The following FHOD3 variants were observed in gnomAD, a reference collection of about 807,000 sequenced individuals.
FHOD3 encodes the protein formin homology 2 domain containing 3, also known as FH1/FH2 domain-containing protein 3.
Under a neutral mutation model 173.0 loss-of-function variants are expected in FHOD3, and 90 were observed. The ratio of observed to expected loss-of-function variants is 0.52; its 90% CI spans 0.44 to 0.62. The LOEUF is 0.62. Ranked by LOEUF, FHOD3 falls within the 20% of genes least tolerant of loss-of-function variation. FHOD3 has a pLI of 0.00. For missense variants in FHOD3, 1,945 were observed against 2,034.7 expected (o/e 0.96, Z 0.85); for synonymous variants, 828 against 823.0 (o/e 1.01, Z -0.10).
chr18:36,553,043 T>G (rs2057725951), intron 5 of FHOD3, among the ~76,000 whole-genome samples: 1 of 152,242 alleles, frequency 6.6e-6, no homozygotes, highest in East Asian at 1.9e-4. Flanking sequence ...TGTTGAATTT[T>G]GTCAAAGGCC....
At chr18:36,511,357 G>GTTTTTTTTTTTTTTTTTTTTTTTTTT (rs760692797) in intron 4 of FHOD3, among the ~76,000 whole-genome samples, 1 of 143,608 alleles carries the variant, frequency 7.0e-6, no homozygotes. Flanking sequence ...TCTTGCCAAT[G>GTTTTTTTTTTTTTTTTTTTTTTTTTT]TTTTTTTTTT....
intron 3 of FHOD3, among the ~76,000 whole-genome samples, chr18:36,409,825 G>T (rs556131538): frequency 6.6e-6 from 1 of 152,170 alleles, no homozygotes; most frequent in African/African-American, 2.4e-5. Flanking sequence ...CCTGAAGGTG[G>T]CTTTGGGGTG....
intron 19 of FHOD3, among the ~76,000 whole-genome samples, chr18:36,723,877 A>G (rs777531324): frequency 6.6e-6 from 1 of 152,210 alleles, no homozygotes; most frequent in Non-Finnish European, 1.5e-5. Flanking sequence ...CTTAATGACT[A>G]CTATTAACTA....
chr18:36,370,799 T>C (rs992708864), intron 2 of FHOD3, among the ~76,000 whole-genome samples: 2 of 152,178 alleles, frequency 1.3e-5, no homozygotes, highest in Non-Finnish European at 2.9e-5. Flanking sequence ...TTCTAATAGT[T>C]AGAGCCTGGC....
chr18:36,718,250 G>A lies in FHOD3; in HGVS notation c.2952G>A (p.Met984Ile). ...TESDYIWDQL[M>I]ANPRELRIQD... ...CTGATTACATCTGGGACCAGCTCAT[G>A]GCCAATCCAAGAGAGCTCAGAATCC... Residue 984 changes from methionine (M) to isoleucine (I), a missense_variant, in exon 19 of 29, where the codon ATG becomes ATA. By Grantham distance (10) the Met-to-Ile change is conservative (BLOSUM62 1). This residue lies in a region of FHOD3 where 1,099 missense variants were observed against 1,051.2 expected (regional missense o/e 1.05). Transcript: ENST00000590592. 1 of 1,614,166 alleles carries A rather than the reference G, an allele frequency of 6.2e-7. No individual in the cohort carries two copies. The highest frequency in any genetic ancestry group is 1.7e-5 in the Admixed American group (1 of 60,030).
At chr18:36,327,146 A>G (rs555451044) in intron 1 of FHOD3, among the ~76,000 whole-genome samples, 7 of 152,334 alleles carry the variant, frequency 4.6e-5, no homozygotes, top group East Asian at 1.9e-4. Context: ...TGTTTCACCA[A>G]TTCCCCAAGA....
intron 2 of FHOD3, among the ~76,000 whole-genome samples, chr18:36,369,652 A>G (rs532441074): frequency 2.0e-5 from 3 of 152,222 alleles, no homozygotes; most frequent in Admixed American, 2.0e-4. Flanking sequence ...ATTGGACTCT[A>G]ATTCTTGAAC....
At chr18:36,603,400 G>T (rs923549330) in intron 8 of FHOD3, among the ~76,000 whole-genome samples, 1 of 152,014 alleles carries the variant, frequency 6.6e-6, no homozygotes, top group South Asian at 2.1e-4. Flanking sequence ...GCCTGCGTGT[G>T]TTCATGCTTT....
At chr18:36,430,374 G>A (rs1035935030) in intron 3 of FHOD3, among the ~76,000 whole-genome samples, 6 of 152,086 alleles carry the variant, frequency 3.9e-5, no homozygotes, top group African/African-American at 1.2e-4. Flanking sequence ...CCACCACCAC[G>A]CCCAGCTAAT....
intron 19 of FHOD3, among the ~76,000 whole-genome samples, chr18:36,723,366 G>GGT (rs2040887968): frequency 6.6e-6 from 1 of 152,012 alleles, no homozygotes; most frequent in African/African-American, 2.4e-5. Flanking sequence ...TTCATTTTAG[G>GGT]GTGTGTGTGT....
chr18:36,658,859 T>C (rs530460471), intron 14 of FHOD3, among the ~76,000 whole-genome samples: 91 of 152,322 alleles, frequency 6.0e-4, no homozygotes, highest in African/African-American at 2.2e-3. Flanking sequence ...TATTTAACCC[T>C]GAGGGTAAAT....
At chr18:36,703,539 A>C (rs2039701612) in intron 17 of FHOD3, among the ~76,000 whole-genome samples, 1 of 152,190 alleles carries the variant, frequency 6.6e-6, no homozygotes, top group Non-Finnish European at 1.5e-5. Context: ...AGGATGATGT[A>C]ATATGATTCC....
intron 18 of FHOD3, among the ~76,000 whole-genome samples, chr18:36,712,963 A>G (rs1288420827): frequency 6.6e-6 from 1 of 152,224 alleles, no homozygotes; most frequent in Non-Finnish European, 1.5e-5. Flanking sequence ...GAAGGGGCGC[A>G]ACATTTTGCA....
rs566579973 is a variant in FHOD3 at position 36,395,193 on chromosome 18, A to G, written c.337+22449A>G. ...TTTTGTGTGTTTGCTCTTCTCATTT[A>G]AAAATATCTGTATCTAGGGAGGCTG... On this transcript the variant is annotated intron_variant, in intron 3 of 28. Coordinates refer to ENST00000590592, the MANE Select transcript of FHOD3 (RefSeq NM_001281740.3). Among the ~76,000 whole-genome samples the G allele has an allele frequency of 1.3e-4, 20 of 150,216 alleles. No individual in the cohort carries two copies. The South Asian group carries it at 2.9e-3, about 22-fold the overall frequency.
At chr18:36,493,252 A>G (rs575562406) in intron 3 of FHOD3, among the ~76,000 whole-genome samples, 5 of 144,860 alleles carry the variant, frequency 3.5e-5, no homozygotes, top group African/African-American at 1.3e-4. Context: ...TATGGAGGCC[A>G]TAACTCCAAC....
intron 14 of FHOD3, among the ~76,000 whole-genome samples, chr18:36,673,782 C>T (rs503274): frequency 0.71 from 108,395 of 152,014 alleles, 38,874 homozygotes; most frequent in African/African-American, 0.78. Context: ...CATCCTGCTC[C>T]CTTTCCATTC....
chr18:36,594,641 G>T (rs1286878311), intron 6 of FHOD3, 146 bp from the exon 7 acceptor site: 2 of 608,954 alleles, frequency 3.3e-6, no homozygotes, highest in Admixed American at 2.8e-5. Flanking sequence ...TCTAATGAGG[G>T]ATTGTGAGGA....
In FHOD3 at chr18:36,552,332, C is replaced by T. The variant is rs140198309; in HGVS notation, c.512-24119C>T. Among the ~76,000 whole-genome samples the T allele has an allele frequency of 8.6e-3, 1,309 of 152,128 alleles. 13 individuals carry two copies. Among genetic ancestry groups the T allele is most frequent in the African/African-American group, 0.03 (1,244 of 41,496 alleles). On this transcript the variant is annotated intron_variant, in intron 5 of 28. Coordinates refer to ENST00000590592, the MANE Select transcript of FHOD3 (RefSeq NM_001281740.3). ...GGGTGCATAGGAATGCTTGTGATTT[C>T]TGCACATTGATTTTGTATCCTGAGA... is the stretch of plus-strand genomic sequence containing the variant.
intron 3 of FHOD3, among the ~76,000 whole-genome samples, chr18:36,459,592 GC>G (rs1166831568): frequency 1.3e-5 from 2 of 152,162 alleles, no homozygotes; most frequent in Non-Finnish European, 2.9e-5. Context: ...TCATCCTCAG[GC>G]CTTGGAGAAA....
Sources: gnomAD v4.1 joint callset for allele counts (sites outside exome capture counted in the v4.1 genomes callset) on GRCh38, gnomAD v4.1.1 for gene constraint, gnomAD v4.1.1 regional missense constraint, MANE v1.5 for transcripts, NCBI Gene and HGNC (gene_info 2026-07-23, HGNC 2026-07-21) for gene names.